The following B3GALT1 variants were observed in gnomAD, a reference collection of about 807,000 sequenced individuals.
B3GALT1 encodes the protein UDP-Gal:betaGlcNAc beta 1,3-galactosyltransferase, polypeptide 1.
In B3GALT1, 10 loss-of-function variants were observed where a neutral mutation model predicts 23.2. The observed-to-expected ratio is 0.43, with a 90% CI of 0.27 to 0.73. The LOEUF (loss-of-function observed/expected upper bound fraction) is 0.73, where lower values mean the gene tolerates loss of function less well. Among genes scored for constraint, B3GALT1 ranks in the 30% least tolerant of loss-of-function variants. The pLI is 0.21. For missense variants in B3GALT1, 299 were observed against 405.4 expected, an observed-to-expected ratio of 0.74 and a Z score of 2.25; for synonymous variants, 156 against 141.5, an observed-to-expected ratio of 1.10 and a Z score of -0.73.
intron 3 of B3GALT1, among the ~76,000 whole-genome samples, chr2:167,750,175 G>A (rs532519237): frequency 2.6e-5 from 4 of 152,124 alleles, no homozygotes; most frequent in Non-Finnish European, 4.4e-5. Context: ...AAAAGTTTTT[G>A]TCTTGTCTAT....
intron 1 of B3GALT1, among the ~76,000 whole-genome samples, chr2:167,384,003 A>G (rs973240701): frequency 1.3e-5 from 2 of 152,236 alleles, no homozygotes; most frequent in East Asian, 3.8e-4. Flanking sequence ...CTATTTGCAC[A>G]TAGGTTACAC....
intron 3 of B3GALT1, among the ~76,000 whole-genome samples, chr2:167,721,840 G>A (rs559921184): frequency 7.2e-5 from 11 of 152,264 alleles, no homozygotes; most frequent in South Asian, 2.1e-4. Flanking sequence ...ATGAAATTCC[G>A]GCCAGGTAGT....
In B3GALT1 at chr2:167,564,826, A is replaced by T. The variant is rs375706712; in HGVS notation, c.-410+74549A>T. 4.6e-5 allele frequency among the ~76,000 whole-genome samples: 7 copies of T among 152,232 alleles called. 1 individual carries two copies. The highest frequency in any genetic ancestry group is 1.0e-4 in the Non-Finnish European group (7 of 68,044). On this transcript the variant is annotated intron_variant, in intron 2 of 4. Coordinates refer to ENST00000392690, the MANE Select transcript of B3GALT1 (RefSeq NM_020981.4). The stretch of plus-strand genomic sequence containing the variant: ...GATGTGAAGGACCTCTTGAAGGAGA[A>T]CTACAGACCACTGCTCAATGAAATA...
intron 2 of B3GALT1, among the ~76,000 whole-genome samples, chr2:167,531,431 G>A (rs546865527): frequency 1.0e-3 from 158 of 152,204 alleles, no homozygotes; most frequent in South Asian, 4.6e-3. Flanking sequence ...CAACCACCAG[G>A]TGTGAAGATT....
chr2:167,662,824 T>G (rs182779965), intron 3 of B3GALT1, among the ~76,000 whole-genome samples: 16 of 152,160 alleles, frequency 1.1e-4, no homozygotes, highest in African/African-American at 3.9e-4. Context: ...AACATACCAA[T>G]TTTGTCTCAG....
At chr2:167,508,912 G>A (rs950197747) in intron 2 of B3GALT1, among the ~76,000 whole-genome samples, 1 of 152,186 alleles carries the variant, frequency 6.6e-6, no homozygotes, top group African/African-American at 2.4e-5. Context: ...TCATTAACAT[G>A]TTTACATAGG....
At chr2:167,387,765 T>A (rs929165376) in intron 1 of B3GALT1, among the ~76,000 whole-genome samples, 1 of 152,180 alleles carries the variant, frequency 6.6e-6, no homozygotes, top group African/African-American at 2.4e-5. Flanking sequence ...ATATTTTGTT[T>A]GGAAAAGGAA....
intron 3 of B3GALT1, among the ~76,000 whole-genome samples, chr2:167,816,658 T>C (rs372612436): frequency 1.3e-5 from 2 of 152,332 alleles, no homozygotes; most frequent in African/African-American, 4.8e-5. Context: ...TTTTTTCCAC[T>C]CTTTCCATAG....
intron 1 of B3GALT1, among the ~76,000 whole-genome samples, chr2:167,437,740 C>T (rs910965755): frequency 2.6e-5 from 4 of 152,148 alleles, no homozygotes; most frequent in Non-Finnish European, 5.9e-5. Context: ...GTCACATATT[C>T]GTTAGCCACA....
chr2:167,748,528 C>T (rs1687685217), intron 3 of B3GALT1, among the ~76,000 whole-genome samples: 1 of 152,134 alleles, frequency 6.6e-6, no homozygotes, highest in African/African-American at 2.4e-5. Context: ...GTTGAGAGAT[C>T]TCACAGTCCT....
intron 1 of B3GALT1, among the ~76,000 whole-genome samples, chr2:167,404,919 T>C (rs951286942): frequency 2.0e-5 from 3 of 152,192 alleles, no homozygotes; most frequent in Non-Finnish European, 4.4e-5. Flanking sequence ...AAACCATGTG[T>C]GTTACATACA....
Position 167,869,115 on chromosome 2 carries a change from A to T in B3GALT1, c.76A>T (p.Thr26Ser). Residue 26 changes from threonine to serine, a missense_variant, in exon 5 of 5, where the codon ACT (threonine) becomes TCT (serine). Physicochemically the swap from Thr to Ser is moderately conservative, Grantham distance 58 (BLOSUM62 1). Coordinates refer to ENST00000392690, the MANE Select transcript of B3GALT1 (RefSeq NM_020981.4). The surrounding 1 kb of genome is among the most constrained non-coding windows in gnomAD (Gnocchi z 6.4). Reference sequence around the variant, plus strand: ...CAGCGCTCTCTGGTACTTGAGTATAACTCGCCCTACTTCTTCTTACACTGG... The same window carrying T: ...CAGCGCTCTCTGGTACTTGAGTATATCTCGCCCTACTTCTTCTTACACTGG... The part of the protein sequence containing the change: ...WASALWYLSI[T>S]RPTSSYTGSK... 1.2e-6 allele frequency: 2 copies of T among 1,614,058 alleles called. No homozygotes were observed. The highest frequency in any genetic ancestry group is 1.7e-6 in the Non-Finnish European group (2 of 1,180,006).
intron 3 of B3GALT1, among the ~76,000 whole-genome samples, chr2:167,689,159 A>T (rs67487015): frequency 0.13 from 16,844 of 128,638 alleles, 1,121 homozygotes; most frequent in Middle Eastern, 0.26. Flanking sequence ...AAAAAAAAAA[A>T]TCCTTGAAAG....
intron 4 of B3GALT1, among the ~76,000 whole-genome samples, chr2:167,859,841 G>A (rs76997235): frequency 0.011 from 1,745 of 152,260 alleles, 30 homozygotes; most frequent in African/African-American, 0.04. Context: ...TCCTATGAGC[G>A]TTCAGGGATT....
intron 2 of B3GALT1, among the ~76,000 whole-genome samples, chr2:167,636,587 A>T (rs1281830359): frequency 6.6e-6 from 1 of 152,114 alleles, no homozygotes. Context: ...AACCAACCCA[A>T]ATGCCCATCA....
Position 167,615,148 on chromosome 2 carries a change from G to A in B3GALT1, c.-409-31761G>A, listed in dbSNP as rs76295975. Among the ~76,000 whole-genome samples, 1,012 of 152,128 alleles carry A rather than the reference G, an allele frequency of 6.7e-3. 8 individuals are homozygous for A. Among genetic ancestry groups the A allele is most frequent in the African/African-American group, 0.02 (845 of 41,524 alleles). On this transcript the variant is annotated intron_variant, in intron 2 of 4. Transcript: ENST00000392690. The stretch of plus-strand genomic sequence containing the variant: ...CTTAAAAAGTTAAAAAGCAAGGTAT[G>A]AATAGATGAAGAAATTGTAGTGTAT...
In B3GALT1 at chr2:167,368,170, A is replaced by G. The variant is rs879421635; in HGVS notation, c.-511+74836A>G. ...TGAAAATTCTGGAAGCCATTAAATG[A>G]GAGCCAAGAAAAAACTAATTTGAGA... On this transcript the variant is annotated intron_variant, in intron 1 of 4. Transcript: ENST00000392690. Among the ~76,000 whole-genome samples, 25 of 152,222 alleles carry G rather than the reference A, an allele frequency of 1.6e-4. 1 individual carries two copies. The highest frequency in any genetic ancestry group is 3.4e-4 in the Non-Finnish European group (23 of 68,042).
intron 2 of B3GALT1, among the ~76,000 whole-genome samples, chr2:167,501,473 T>C (rs1167995555): frequency 2.0e-5 from 3 of 151,962 alleles, no homozygotes; most frequent in Middle Eastern, 3.4e-3. Context: ...CTTTTAAATA[T>C]GCTTTTTAAA....
chr2:167,394,760 A>G (rs2105285200), intron 1 of B3GALT1, among the ~76,000 whole-genome samples: 1 of 152,332 alleles, frequency 6.6e-6, no homozygotes, highest in East Asian at 1.9e-4. Flanking sequence ...ACCAGAAGAC[A>G]AAATTGTAGA....
Sources: gnomAD v4.1 joint callset for allele counts (sites outside exome capture counted in the v4.1 genomes callset) on GRCh38, gnomAD v4.1.1 for gene constraint, Gnocchi (gnomAD v3.1) non-coding constraint, MANE v1.5 for transcripts, NCBI Gene and HGNC (gene_info 2026-07-23, HGNC 2026-07-21) for gene names.